The following ANKRD13B variants were observed in gnomAD, a reference collection of about 807,000 sequenced individuals.
ANKRD13B encodes ankyrin repeat domain 13B, also known as ankyrin repeat domain-containing protein 13B.
In ANKRD13B, 33 loss-of-function variants were observed where a neutral mutation model predicts 74.4. The observed-to-expected ratio is 0.44, with a 90% CI of 0.34 to 0.59. The LOEUF is 0.59. ANKRD13B is among the 20% of genes least tolerant of loss of function. The probability of loss-of-function intolerance (pLI) is 0.02; values close to 1 mark genes in which losing one functional copy is unlikely to be tolerated. For missense variants in ANKRD13B, 676 were observed against 877.9 expected, an observed-to-expected ratio of 0.77 and a Z score of 2.91; for synonymous variants, 341 against 362.9, an observed-to-expected ratio of 0.94 and a Z score of 0.68.
At chr17:29,598,371 C>T (rs895826086) in intron 1 of ANKRD13B, among the ~76,000 whole-genome samples, 5 of 152,026 alleles carry the variant, frequency 3.3e-5, no homozygotes, top group African/African-American at 7.3e-5. Context: ...CTAGAAGATG[C>T]GTAATGAAAA....
chr17:29,612,879 C>A lies in ANKRD13B; in HGVS notation c.1576-8C>A, dbSNP rs746953808. 16 of 1,599,156 alleles carry A rather than the reference C, an allele frequency of 1.0e-5. No individual in the cohort carries two copies. Among genetic ancestry groups the A allele is most frequent in the Non-Finnish European group, 1.1e-5 (13 of 1,179,480 alleles). On this transcript the variant is annotated splice_region_variant and splice_polypyrimidine_tract_variant and intron_variant, in intron 13 of 14. Coordinates refer to ENST00000394859, the MANE Select transcript of ANKRD13B (RefSeq NM_152345.5). The surrounding 1 kb of genome is among the most constrained non-coding windows in gnomAD (Gnocchi z 6.1). ...GCCGCCACGGCTAACGCCCACGCCT[C>A]CCCGCAGGTCACCATCTGGGAGGCG...
Position 29,609,450 on chromosome 17 carries a change from C to T in ANKRD13B, c.822+29C>T. 2 of 1,611,484 alleles carry T rather than the reference C, an allele frequency of 1.2e-6. 1 individual carries two copies. The highest frequency in any genetic ancestry group is 2.2e-5 in the South Asian group (2 of 90,848). On this transcript the variant is annotated intron_variant, in intron 7 of 14. Coordinates refer to ENST00000394859, the MANE Select transcript of ANKRD13B (RefSeq NM_152345.5). This position sits in a 1 kb window ranked among gnomAD's most constrained non-coding sequence, Gnocchi z 4.0. ...AGGCTGCAGCTCCCAGCTGCCAGCC[C>T]AGCTGCACTCTTGCCTACAGCAAGC...
In ANKRD13B at chr17:29,611,575, G is replaced by T; in HGVS notation, c.905-4G>T. The T allele has an allele frequency of 6.2e-7, 1 of 1,614,156 alleles. No individual in the cohort carries two copies. Among genetic ancestry groups the T allele is most frequent in the South Asian group, 1.1e-5 (1 of 91,090 alleles). On this transcript the variant is annotated splice_region_variant and splice_polypyrimidine_tract_variant and intron_variant, in intron 8 of 14. Transcript: ENST00000394859. This position sits in a 1 kb window ranked among gnomAD's most constrained non-coding sequence, Gnocchi z 4.3. ...TGTCCTCTGAGATGCCACATTTCTT[G>T]TAGGCTGTAAGACACCTTTGCAGTC... is the stretch of plus-strand genomic sequence containing the variant.
intron 1 of ANKRD13B, among the ~76,000 whole-genome samples, chr17:29,605,971 G>C (rs1490493557): frequency 1.3e-5 from 2 of 151,914 alleles, no homozygotes; most frequent in East Asian, 3.9e-4. Context: ...GGAGTGCAGT[G>C]GCATGATCTC....
intron 2 of ANKRD13B, 23 bp downstream of exon 2, chr17:29,607,900 G>A (rs1260622943): frequency 1.9e-6 from 3 of 1,583,286 alleles, no homozygotes; most frequent in African/African-American, 2.7e-5. Context: ...GCTCACCCCA[G>A]CCCCACAGCC....
At chr17:29,613,287 C>T (rs2034672394) in intron 14 of ANKRD13B, 67 bp from the exon 15 acceptor site, 1 of 1,387,028 alleles carries the variant, frequency 7.2e-7, no homozygotes, top group South Asian at 1.6e-5. Flanking sequence ...GCCTCCACGC[C>T]GTGTCCCGGC....
chr17:29,611,782 A>G lies in ANKRD13B; in HGVS notation c.970-94A>G. ...AAGGCCATGTCAGCGCCACACTGGC[A>G]GAGGGGACAGCTTGGGGGCCTTGTG... On this transcript the variant is annotated intron_variant, in intron 9 of 14. Coordinates refer to ENST00000394859, the MANE Select transcript of ANKRD13B (RefSeq NM_152345.5). The surrounding 1 kb of genome is among the most constrained non-coding windows in gnomAD (Gnocchi z 4.3). 1 of 1,568,556 alleles carries G rather than the reference A, an allele frequency of 6.4e-7. No homozygotes were observed. The highest frequency in any genetic ancestry group is 8.7e-7 in the Non-Finnish European group (1 of 1,151,470).
rs1488347251 is a variant in ANKRD13B at position 29,608,729 on chromosome 17, G to A, written c.422-122G>A. The stretch of plus-strand genomic sequence containing the variant: ...GGGAGGGGGTTTTGGAGGAGAGGCT[G>A]CTCTCTCTTCAGTTCCCTCCCCTGT... On this transcript the variant is annotated intron_variant, in intron 4 of 14. Transcript: ENST00000394859. This position sits in a 1 kb window ranked among gnomAD's most constrained non-coding sequence, Gnocchi z 6.4. 5 of 1,346,358 alleles carry A rather than the reference G, an allele frequency of 3.7e-6. No individual in the cohort carries two copies. Among genetic ancestry groups the A allele is most frequent in the Non-Finnish European group, 5.0e-6 (5 of 991,506 alleles). The allele number at this position is 1,346,358 out of a possible 1,614,324, so 83.4% of individuals were successfully genotyped here. A position where few individuals can be genotyped will look rare whatever the true frequency, so the allele number is the denominator to read the frequency against.
rs1431346930 is a variant in ANKRD13B at position 29,613,724 on chromosome 17, G to T, written c.*142G>T. The T allele has an allele frequency of 3.1e-6, 4 of 1,299,346 alleles. No homozygotes were observed. The highest frequency in any genetic ancestry group is 4.0e-6 in the Non-Finnish European group (4 of 1,004,272). The allele number at this position is 1,299,346 out of a possible 1,614,324, so 80.5% of individuals were successfully genotyped here. ...GCGGGTGCAGCAGCACAGCAGGCAC[G>T]GTTCGGGGAGGGATTCGGCATGGCC... is the stretch of plus-strand genomic sequence containing the variant. On this transcript the variant is annotated 3_prime_UTR_variant, in exon 15 of 15. Coordinates refer to ENST00000394859, the MANE Select transcript of ANKRD13B (RefSeq NM_152345.5).
chr17:29,605,555 C>T (rs1010601876), intron 1 of ANKRD13B, among the ~76,000 whole-genome samples: 3 of 152,082 alleles, frequency 2.0e-5, no homozygotes, highest in African/African-American at 7.2e-5. Context: ...GCAGCCTCAA[C>T]CTCCCAGGCT....
intron 1 of ANKRD13B, among the ~76,000 whole-genome samples, chr17:29,600,141 G>T (rs998129781): frequency 6.6e-6 from 1 of 152,152 alleles, no homozygotes; most frequent in Non-Finnish European, 1.5e-5. Flanking sequence ...CTCCCAAAGA[G>T]CTGGGATTAC....
At chr17:29,600,337 T>G (rs1336296616) in intron 1 of ANKRD13B, among the ~76,000 whole-genome samples, 1 of 152,120 alleles carries the variant, frequency 6.6e-6, no homozygotes, top group African/African-American at 2.4e-5. Context: ...GCTGGCCTGT[T>G]CATTGTAGGG....
intron 1 of ANKRD13B, among the ~76,000 whole-genome samples, chr17:29,597,621 AGAGGCCTCTGCTGAGGAGAAGCTG>A (rs1254989766): frequency 6.6e-6 from 1 of 152,096 alleles, no homozygotes; most frequent in African/African-American, 2.4e-5. Context: ...TTAAATAGCT[AGAGGCCTCTGCTGAGGAGAAGCTG>A]GAGGCCTCTG....
At chr17:29,599,106 T>C (rs1444373304) in intron 1 of ANKRD13B, among the ~76,000 whole-genome samples, 1 of 151,780 alleles carries the variant, frequency 6.6e-6, no homozygotes, top group Admixed American at 6.6e-5. Flanking sequence ...GCTGTCAGGG[T>C]GGGCTTTTCT....
intron 1 of ANKRD13B, among the ~76,000 whole-genome samples, chr17:29,596,588 G>A (rs1295006583): frequency 6.6e-6 from 1 of 152,200 alleles, no homozygotes. Context: ...TCTGCCCCTG[G>A]CAACCAGAAC....
rs2034695514 is a variant in ANKRD13B at position 29,613,664 on chromosome 17, G to C, written c.*82G>C. On this transcript the variant is annotated 3_prime_UTR_variant, in exon 15 of 15. Coordinates refer to ENST00000394859, the MANE Select transcript of ANKRD13B (RefSeq NM_152345.5). Reference sequence around the variant, plus strand: ...CAGACAAACCCCGGCCTGCGCGCCTGCAGAGCGGCGGCTGGAGACTGGAGC... The same window carrying C: ...CAGACAAACCCCGGCCTGCGCGCCTCCAGAGCGGCGGCTGGAGACTGGAGC... 7.3e-7 allele frequency: 1 copy of C among 1,371,986 alleles called. No individual in the cohort carries two copies. Among genetic ancestry groups the C allele is most frequent in the African/African-American group, 1.5e-5 (1 of 65,300 alleles). 85.0% of individuals were successfully genotyped at this position (1,371,986 alleles called of 1,614,324 possible). A position where few individuals can be genotyped will look rare whatever the true frequency, so the allele number is the denominator to read the frequency against.
Position 29,612,244 on chromosome 17 carries a change from G to A in ANKRD13B, c.1229G>A (p.Arg410His). 1.2e-6 allele frequency: 2 copies of A among 1,614,078 alleles called. No individual in the cohort carries two copies. Among genetic ancestry groups the A allele is most frequent in the South Asian group, 1.1e-5 (1 of 91,078 alleles). The change falls in exon 11 of 15, where the codon CGT becomes CAT. Residue 410 changes from arginine to histidine, a missense_variant. Arg to His is a conservative substitution (Grantham distance 29). Around this residue, in one of 4 missense-constraint regions of ANKRD13B, gnomAD observed 328 missense variants for 518.4 expected, o/e 0.63. Coordinates refer to ENST00000394859, the MANE Select transcript of ANKRD13B (RefSeq NM_152345.5). This position sits in a 1 kb window ranked among gnomAD's most constrained non-coding sequence, Gnocchi z 6.1. ...FAKLRDFITL[R>H]LPPGFPVKIE... ...AAGCTCCGGGACTTCATCACCCTGC[G>A]TCTGCCTCCTGGCTTCCCAGTTAAG...
Position 29,613,615 on chromosome 17 carries a change from C to A in ANKRD13B, c.*33C>A. 3 of 1,394,810 alleles carry A rather than the reference C, an allele frequency of 2.2e-6. No individual in the cohort carries two copies. Among genetic ancestry groups the A allele is most frequent in the Non-Finnish European group, 2.8e-6 (3 of 1,074,390 alleles). 86.4% of individuals were successfully genotyped at this position (1,394,810 alleles called of 1,614,324 possible). ...TGCCGGGACCCTCGCCAGCGCCACG[C>A]GCGCCACGCCCAGGGCCAGGAGCCA... On this transcript the variant is annotated 3_prime_UTR_variant, in exon 15 of 15. Transcript: ENST00000394859.
At position 29,611,757 on chromosome 17, in the gene ANKRD13B, A is replaced by G; in HGVS notation, c.969+114A>G. The G allele has an allele frequency of 2.5e-6, 4 of 1,574,408 alleles. No individual in the cohort carries two copies. The highest frequency in any genetic ancestry group is 1.1e-5 in the South Asian group (1 of 88,308). ...TGTGGACCTCCTTTCCACAATGCCC[A>G]AGGCCATGTCAGCGCCACACTGGCA... On this transcript the variant is annotated intron_variant, in intron 9 of 14. Transcript: ENST00000394859. The surrounding 1 kb of genome is among the most constrained non-coding windows in gnomAD (Gnocchi z 4.3).
Sources: allele counts gnomAD v4.1 joint callset (sites outside exome capture counted in the v4.1 genomes callset), GRCh38; gene constraint gnomAD v4.1.1; regional missense constraint gnomAD v4.1.1; non-coding constraint Gnocchi (gnomAD v3.1); transcripts MANE v1.5; gene names NCBI Gene and HGNC (gene_info 2026-07-23, HGNC 2026-07-21).